Variants in CCDC73 observed in about 807,000 individuals in gnomAD.
CCDC73 encodes the protein coiled-coil domain containing 73.
Under a neutral mutation model 116.5 loss-of-function variants are expected in CCDC73, and 95 were observed. That is an observed-to-expected ratio of 0.82 (90% confidence interval 0.69 to 0.97). CCDC73 has a LOEUF of 0.97. CCDC73 is among the 50% of genes least tolerant of loss of function. The probability of loss-of-function intolerance (pLI) is 0.00; values close to 1 mark genes in which losing one functional copy is unlikely to be tolerated. For synonymous variants in CCDC73, 398 were observed against 401.3 expected (o/e 0.99, Z 0.10); for missense variants, 1,066 against 1,206.8 (o/e 0.88, Z 1.73).
Position 32,760,209 on chromosome 11 carries a change from G to T in CCDC73, c.35C>A (p.Thr12Asn). The stretch of plus-strand genomic sequence containing the variant: ...CTCTGAAGAACTTTGAAGAGTAAAA[G>T]TAGATGATGACTCAGTATTGAAGTT... ...ESNFNTESSS[T>N]FTLQSSSETL... Residue 12 changes from threonine to asparagine, a missense_variant, in exon 2 of 18, where the codon ACT (threonine) becomes AAT (asparagine). By Grantham distance (65) the Thr-to-Asn change is moderately conservative. Transcript: ENST00000335185. 1 of 1,587,104 alleles carries T rather than the reference G, an allele frequency of 6.3e-7. No individual in the cohort carries two copies. Among genetic ancestry groups the T allele is most frequent in the South Asian group, 1.1e-5 (1 of 88,458 alleles).
At chr11:32,670,392 G>A (rs1033986132) in intron 9 of CCDC73, among the ~76,000 whole-genome samples, 14 of 151,952 alleles carry the variant, frequency 9.2e-5, no homozygotes, top group Admixed American at 3.9e-4. Flanking sequence ...CGTGGTGGCC[G>A]GTGCCTGTAG....
intron 2 of CCDC73, among the ~76,000 whole-genome samples, chr11:32,755,939 CTCCATATATATATCTA>C (rs1216027082): frequency 2.3e-4 from 3 of 13,080 alleles, no homozygotes; most frequent in Non-Finnish European, 3.7e-4. Context: ...ATATATATAT[CTCCATATATATATCTA>C]TATATATATC....
At chr11:32,730,223 A>T (rs1850063545) in intron 2 of CCDC73, among the ~76,000 whole-genome samples, 2 of 152,038 alleles carry the variant, frequency 1.3e-5, no homozygotes, top group African/African-American at 4.8e-5. Context: ...TCATCCCCTA[A>T]ATTTCTCATG....
intron 2 of CCDC73, among the ~76,000 whole-genome samples, chr11:32,728,621 T>C (rs1055182424): frequency 2.0e-4 from 31 of 152,208 alleles, no homozygotes; most frequent in Admixed American, 1.0e-3. Flanking sequence ...CGCTAACCCA[T>C]GTATACACAG....
At chr11:32,698,111 G>A (rs978290356) in intron 6 of CCDC73, among the ~76,000 whole-genome samples, 7 of 145,698 alleles carry the variant, frequency 4.8e-5, no homozygotes, top group Non-Finnish European at 8.9e-5. Flanking sequence ...TGCAAGCTGC[G>A]CCTCCCGGGT....
chr11:32,828,087 A>G, the CCDC73 span, among the ~76,000 whole-genome samples: 8 of 152,326 alleles, frequency 5.3e-5, no homozygotes, highest in South Asian at 1.7e-3. Flanking sequence ...CACTGCCTAG[A>G]AGGAATCAGT....
At chr11:32,785,827 T>TAC (rs10687296) in intron 1 of CCDC73, among the ~76,000 whole-genome samples, 1 of 28,076 alleles carries the variant, frequency 3.6e-5, no homozygotes, top group Non-Finnish European at 7.7e-5. Context: ...ATTAAAATTC[T>TAC]CTCCTCTTAC....
rs191644109 is a variant in CCDC73, at chr11:32,602,761, A to G, written c.*50T>C. 77 of 1,285,080 alleles carry G rather than the reference A, an allele frequency of 6.0e-5. No homozygotes were observed. The East Asian group carries it at 1.6e-3, about 27-fold the overall frequency. 79.6% of individuals were successfully genotyped at this position (1,285,080 alleles called of 1,614,324 possible). ...CAGTCATTTTATTCTAGTAAAAACT[A>G]TACCAGAATTTCAGTTACATAATTT... On this transcript the variant is annotated 3_prime_UTR_variant, in exon 18 of 18. Transcript: ENST00000335185.
At chr11:32,760,755 G>C (rs1850384947) in intron 1 of CCDC73, among the ~76,000 whole-genome samples, 1 of 152,272 alleles carries the variant, frequency 6.6e-6, no homozygotes. Context: ...TATGAGTCAG[G>C]CTGCAAGAAA....
At chr11:32,776,197 A>G (rs769446428) in intron 1 of CCDC73, among the ~76,000 whole-genome samples, 10 of 152,138 alleles carry the variant, frequency 6.6e-5, no homozygotes, top group Non-Finnish European at 1.3e-4. Flanking sequence ...TCCTACTGCT[A>G]TCAATCTAGT....
chr11:32,812,561 C>T, the CCDC73 span, among the ~76,000 whole-genome samples: 3 of 151,424 alleles, frequency 2.0e-5, no homozygotes, highest in East Asian at 1.9e-4. Flanking sequence ...CCCAGCTACT[C>T]GGGAGGCTGA....
chr11:32,684,253 A>G (rs1856173963), intron 6 of CCDC73, among the ~76,000 whole-genome samples: 1 of 151,920 alleles, frequency 6.6e-6, no homozygotes, highest in Admixed American at 6.6e-5. Context: ...GGGTCCCACT[A>G]TGTTGCCCAA....
At chr11:32,769,156 C>T (rs1303234699) in intron 1 of CCDC73, among the ~76,000 whole-genome samples, 1 of 152,130 alleles carries the variant, frequency 6.6e-6, no homozygotes, top group Non-Finnish European at 1.5e-5. Flanking sequence ...GTTAGTATTA[C>T]GTTGAAGATA....
chr11:32,664,792 T>C (rs1855964773), intron 9 of CCDC73, among the ~76,000 whole-genome samples: 1 of 152,220 alleles, frequency 6.6e-6, no homozygotes. Flanking sequence ...CTTGTGGGCA[T>C]TTACTGCTAT....
intron 6 of CCDC73, among the ~76,000 whole-genome samples, chr11:32,691,086 C>T (rs1856253892): frequency 6.6e-6 from 1 of 151,880 alleles, no homozygotes; most frequent in African/African-American, 2.4e-5. Context: ...CTCTTGTCCC[C>T]CAGGCTGGAG....
At chr11:32,739,914 A>G (rs1296398666) in intron 2 of CCDC73, among the ~76,000 whole-genome samples, 1 of 151,876 alleles carries the variant, frequency 6.6e-6, no homozygotes, top group Non-Finnish European at 1.5e-5. Flanking sequence ...ATTTTATCAA[A>G]TGTTTTCTCA....
chr11:32,634,757 C>T (rs947184851), intron 14 of CCDC73, among the ~76,000 whole-genome samples: 2 of 152,042 alleles, frequency 1.3e-5, no homozygotes, highest in African/African-American at 4.8e-5. Flanking sequence ...TATAGAAACC[C>T]CCAAAGTTCA....
At chr11:32,696,628 G>GT (rs1856313515) in intron 6 of CCDC73, among the ~76,000 whole-genome samples, 1 of 151,830 alleles carries the variant, frequency 6.6e-6, no homozygotes, top group African/African-American at 2.4e-5. Flanking sequence ...TACAGACGCG[G>GT]TTTTGCCACG....
At chr11:32,817,756 AC>A in the CCDC73 span, among the ~76,000 whole-genome samples, 4 of 151,982 alleles carry the variant, frequency 2.6e-5, no homozygotes, top group Admixed American at 6.5e-5. Flanking sequence ...TTAAGACTCC[AC>A]TTTCCCTACC....
Sources: gnomAD v4.1 joint callset for allele counts (sites outside exome capture counted in the v4.1 genomes callset) on GRCh38, gnomAD v4.1.1 for gene constraint, MANE v1.5 for transcripts, NCBI Gene and HGNC (gene_info 2026-07-23, HGNC 2026-07-21) for gene names.